Variants in TOMM22 observed in about 807,000 individuals in gnomAD.
TOMM22 encodes translocase of outer mitochondrial membrane 22.
In TOMM22, 3 loss-of-function variants were observed where a neutral mutation model predicts 17.1. The observed-to-expected ratio is 0.18, with a 90% CI of 0.08 to 0.45. The LOEUF is 0.45. Among genes scored for constraint, TOMM22 ranks in the 20% least tolerant of loss-of-function variants. The probability of loss-of-function intolerance (pLI) is 0.99; values close to 1 mark genes in which losing one functional copy is unlikely to be tolerated. For synonymous variants in TOMM22, 91 were observed against 74.0 expected (o/e 1.23, Z -1.18); for missense variants, 159 against 179.5 (o/e 0.89, Z 0.65).
At chr22:38,683,088 G>A in intron 3 of TOMM22, 92 bp downstream of exon 3, 1 of 745,544 alleles carries the variant, frequency 1.3e-6, no homozygotes, top group Non-Finnish European at 2.0e-6. Flanking sequence ...ACCAGGGACT[G>A]GTTTCATGGA....
Position 38,682,936 on chromosome 22 carries a change from C to T in TOMM22, c.294C>T (p.Pro98=), listed in dbSNP as rs527611686. ...CTTCCTTTATGATCCTGGTTCTTCCCGTTGTCTTTGAGACGGAGAAGTTGC... is the reference window on the plus strand; with the variant it reads ...CTTCCTTTATGATCCTGGTTCTTCCTGTTGTCTTTGAGACGGAGAAGTTGC... ...GTTSFMILVL[P]VVFETEKLQM... is the part of the protein sequence containing the mutation. Residue 98 remains proline, a synonymous_variant, in exon 3 of 4, where the codon CCC becomes CCT. Transcript: ENST00000216034. 2.5e-5 allele frequency: 41 copies of T among 1,613,782 alleles called. No homozygotes were observed. The East Asian group carries it at 7.8e-4, about 31-fold the overall frequency.
chr22:38,683,818 C>T lies in TOMM22; in HGVS notation c.406C>T (p.Pro136Ser). 6.2e-7 allele frequency: 1 copy of T among 1,613,954 alleles called. No homozygotes were observed. Among genetic ancestry groups the T allele is most frequent in the Non-Finnish European group, 8.5e-7 (1 of 1,179,928 alleles). ...GLSGGMPGAL[P>S]SLPGKI ...CTCAGGAGGAATGCCAGGGGCTCTA[C>T]CCTCACTTCCTGGAAAGATCTAGAT... Residue 136 changes from proline to serine, a missense_variant, in exon 4 of 4, where the codon CCC (proline) becomes TCC (serine). This residue lies in a region of TOMM22 where 33 missense variants were observed against 34.7 expected (regional missense o/e 0.95). Coordinates refer to ENST00000216034, the MANE Select transcript of TOMM22 (RefSeq NM_020243.5).
rs2092479424 is a variant in TOMM22, at chr22:38,681,983, C to T, written c.5C>T (p.Ala2Val). M[A>V]AAVAAAGAGE... ...CTTCCGGTGTCCCCTACAGTCATGG[C>T]TGCCGCCGTCGCTGCTGCCGGTGCA... is the stretch of plus-strand genomic sequence containing the variant. The change falls in exon 1 of 4, where the codon GCT becomes GTT. Residue 2 changes from alanine (A) to valine (V), a missense_variant. Ala to Val is a moderately conservative substitution (Grantham distance 64). Coordinates refer to ENST00000216034, the MANE Select transcript of TOMM22 (RefSeq NM_020243.5). 6.2e-7 allele frequency: 1 copy of T among 1,610,504 alleles called. No homozygotes were observed. Among genetic ancestry groups the T allele is most frequent in the Non-Finnish European group, 8.5e-7 (1 of 1,178,998 alleles).
At position 38,684,861 on chromosome 22, in the gene TOMM22, T is replaced by C. The variant is rs982325592; in HGVS notation, c.*1020T>C. The C allele has an allele frequency of 4.0e-5, 6 of 151,460 alleles. No homozygotes were observed. The highest frequency in any genetic ancestry group is 3.9e-4 in the Admixed American group (6 of 15,196). 9.4% of individuals were successfully genotyped at this position (151,460 alleles called of 1,614,324 possible). ...TCTCACTGGAGTACAGTGGTGTCGT[T>C]TGGGTTCACTGCAACCTCTTACCTC... On this transcript the variant is annotated 3_prime_UTR_variant, in exon 4 of 4. Coordinates refer to ENST00000216034, the MANE Select transcript of TOMM22 (RefSeq NM_020243.5).
chr22:38,682,485 T>TC (rs1569259682), intron 2 of TOMM22, 44 bp downstream of exon 2: 1 of 1,558,654 alleles, frequency 6.4e-7, no homozygotes. Context: ...CATGGGATGG[T>TC]CGTGGTGCTG....
Position 38,684,200 on chromosome 22 carries a change from G to T in TOMM22, c.*359G>T, listed in dbSNP as rs3205205. 0.018 allele frequency: 2,375 copies of T among 131,478 alleles called. 53 individuals carry two copies. The highest frequency in any genetic ancestry group is 0.067 in the African/African-American group (2,010 of 29,882). The allele number at this position is 131,478 out of a possible 1,614,324, so 8.1% of individuals were successfully genotyped here. On this transcript the variant is annotated 3_prime_UTR_variant, in exon 4 of 4. Coordinates refer to ENST00000216034, the MANE Select transcript of TOMM22 (RefSeq NM_020243.5). ...GATGTGCCCCTGACCATTAACGACT[G>T]TTTTTTTTTTTTTTTTTTAAAGAAT... is the stretch of plus-strand genomic sequence containing the variant.
intron 3 of TOMM22, 36 bp downstream of exon 3, chr22:38,683,032 A>T (rs1301022663): frequency 1.3e-6 from 2 of 1,555,110 alleles, no homozygotes; most frequent in South Asian, 1.1e-5. Flanking sequence ...CCAGTGGTGG[A>T]GACGCAAGTT....
chr22:38,682,439 C>T lies in TOMM22; in HGVS notation c.234C>T (p.Tyr78=), dbSNP rs1309781827. ...CCCTCTTTGTGGCTCAGAAAATGTA[C>T]AGGTAAGGAACGAGGGCAAAGGCAC... is the stretch of plus-strand genomic sequence containing the variant. The part of the protein sequence containing the change: ...DLSLFVAQKM[Y]RFSRAALWIG... The change falls in exon 2 of 4, where the codon TAC becomes TAT. Residue 78 remains tyrosine, a splice_region_variant and synonymous_variant. Transcript: ENST00000216034. 2 of 1,613,928 alleles carry T rather than the reference C, an allele frequency of 1.2e-6. No homozygotes were observed. Among genetic ancestry groups the T allele is most frequent in the Admixed American group, 1.7e-5 (1 of 60,018 alleles).
chr22:38,683,604 C>A (rs760060956), intron 3 of TOMM22, among the ~76,000 whole-genome samples, 163 bp from the exon 4 acceptor site: 3 of 152,222 alleles, frequency 2.0e-5, no homozygotes, highest in Non-Finnish European at 2.9e-5. Context: ...CTGAGTTGAC[C>A]AACAGTTAAT....
chr22:38,683,957 C>A lies in TOMM22; in HGVS notation c.*116C>A. 1.2e-6 allele frequency: 1 copy of A among 858,914 alleles called. No individual in the cohort carries two copies. Among genetic ancestry groups the A allele is most frequent in the Non-Finnish European group, 1.8e-6 (1 of 545,460 alleles). 53.2% of individuals were successfully genotyped at this position (858,914 alleles called of 1,614,324 possible). The stretch of plus-strand genomic sequence containing the variant: ...ACTTTGGCACATTGATCTATCTAAA[C>A]CTGGTGGGGAGAATTATCCCCACAT... On this transcript the variant is annotated 3_prime_UTR_variant, in exon 4 of 4. Transcript: ENST00000216034.
intron 2 of TOMM22, 46 bp downstream of exon 2, chr22:38,682,487 G>A (rs367843294): frequency 7.5e-5 from 117 of 1,551,292 alleles, no homozygotes; most frequent in Non-Finnish European, 1.0e-4. Context: ...TGGGATGGTC[G>A]TGGTGCTGTG....
intron 2 of TOMM22, 26 bp downstream of exon 2, chr22:38,682,467 G>C: frequency 6.3e-7 from 1 of 1,594,468 alleles, no homozygotes. Flanking sequence ...AAAGGCACTG[G>C]GTACGTGCAT....
At chr22:38,682,715 A>G (rs776505838) in intron 2 of TOMM22, among the ~76,000 whole-genome samples, 164 bp from the exon 3 acceptor site, 3 of 152,044 alleles carry the variant, frequency 2.0e-5, no homozygotes, top group Non-Finnish European at 4.4e-5. Flanking sequence ...CAGCTACCAT[A>G]GCTGCTCCTC....
Position 38,682,454 on chromosome 22 carries a change from G to A in TOMM22, c.236+13G>A, listed in dbSNP as rs1259758872. 2 of 1,611,248 alleles carry A rather than the reference G, an allele frequency of 1.2e-6. No individual in the cohort carries two copies. The highest frequency in any genetic ancestry group is 1.7e-6 in the Non-Finnish European group (2 of 1,177,448). On this transcript the variant is annotated intron_variant, in intron 2 of 3. Coordinates refer to ENST00000216034, the MANE Select transcript of TOMM22 (RefSeq NM_020243.5). ...AGAAAATGTACAGGTAAGGAACGAG[G>A]GCAAAGGCACTGGGTACGTGCATGG...
chr22:38,683,010 T>G lies in TOMM22; in HGVS notation c.354+14T>G. 1 of 1,609,094 alleles carries G rather than the reference T, an allele frequency of 6.2e-7. No individual in the cohort carries two copies. The highest frequency in any genetic ancestry group is 8.5e-7 in the Non-Finnish European group (1 of 1,175,900). ...CAGCAGCGGCAGGTGAGCCCAGACC[T>G]TGGGCTTTTTGCCAGTGGTGGAGAC... On this transcript the variant is annotated intron_variant, in intron 3 of 3. Coordinates refer to ENST00000216034, the MANE Select transcript of TOMM22 (RefSeq NM_020243.5).
chr22:38,682,857 C>T (rs1362829918), intron 2 of TOMM22, 22 bp from the exon 3 acceptor site: 5 of 1,606,774 alleles, frequency 3.1e-6, no homozygotes, highest in Admixed American at 1.7e-5. Flanking sequence ...CATGCTCACC[C>T]TCTGGGGATT....
chr22:38,683,430 G>A (rs2092486161), intron 3 of TOMM22, among the ~76,000 whole-genome samples: 1 of 152,172 alleles, frequency 6.6e-6, no homozygotes, highest in African/African-American at 2.4e-5. Context: ...CTGACAGGAG[G>A]TGGAGCTCAG....
chr22:38,682,229 T>A, intron 1 of TOMM22, 94 bp from the exon 2 acceptor site: 2 of 1,508,432 alleles, frequency 1.3e-6, no homozygotes, highest in Non-Finnish European at 1.8e-6. Context: ...CTGGGTGCCC[T>A]AGCTCCAGTG....
Position 38,683,772 on chromosome 22 carries a change from T to C in TOMM22, c.360T>C (p.Leu120=). 6.2e-7 allele frequency: 1 copy of C among 1,613,996 alleles called. No homozygotes were observed. Among genetic ancestry groups the C allele is most frequent in the South Asian group, 1.1e-5 (1 of 91,082 alleles). Residue 120 remains leucine, a synonymous_variant, in exon 4 of 4, where the codon CTT becomes CTC. Coordinates refer to ENST00000216034, the MANE Select transcript of TOMM22 (RefSeq NM_020243.5). The part of the protein sequence containing the change: ...QQQQLQQRQI[L]LGPNTGLSGG... ...CCCCTCCTTTTCTTTTCCAGATACT[T>C]CTAGGACCTAACACAGGGCTCTCAG...
Sources: allele counts gnomAD v4.1 joint callset (sites outside exome capture counted in the v4.1 genomes callset), GRCh38; gene constraint gnomAD v4.1.1; regional missense constraint gnomAD v4.1.1; transcripts MANE v1.5; gene names NCBI Gene and HGNC (gene_info 2026-07-23, HGNC 2026-07-21).